Variants in INPP4B observed in about 807,000 individuals in gnomAD.
The protein encoded by INPP4B is inositol polyphosphate-4-phosphatase type II B, also known as inositol polyphosphate 4-phosphatase type II.
INPP4B carries 55 observed loss-of-function variants against 122.5 expected under a neutral mutation model. The ratio of observed to expected loss-of-function variants is 0.45; its 90% confidence interval spans 0.36 to 0.56. The LOEUF is 0.56. Ranked by LOEUF, INPP4B falls within the 20% of genes least tolerant of loss-of-function variation. The pLI is 0.00. For missense variants in INPP4B, 1,000 were observed against 1,097.7 expected, an observed-to-expected ratio of 0.91 and a Z score of 1.26; for synonymous variants, 403 against 388.7, an observed-to-expected ratio of 1.04 and a Z score of -0.43.
intron 15 of INPP4B, among the ~76,000 whole-genome samples, chr4:142,179,660 T>G (rs1201192864): frequency 6.6e-6 from 1 of 152,160 alleles, no homozygotes; most frequent in African/African-American, 2.4e-5. Flanking sequence ...CTTTTTAGTT[T>G]GCAAGTTCTT....
intron 7 of INPP4B, among the ~76,000 whole-genome samples, chr4:142,379,288 G>A (rs1158596525): frequency 1.3e-5 from 2 of 152,102 alleles, no homozygotes; most frequent in East Asian, 1.9e-4. Context: ...TTAGGACATG[G>A]TATAGTGAGC....
chr4:142,193,037 A>G (rs774099478), intron 15 of INPP4B, 50 bp downstream of exon 15: 87 of 1,094,342 alleles, frequency 7.9e-5, no homozygotes, highest in Middle Eastern at 2.0e-4. Context: ...ACTTCCCCAA[A>G]GGGGAGATGT....
At chr4:142,676,473 A>C (rs1757797803) in intron 2 of INPP4B, among the ~76,000 whole-genome samples, 2 of 152,192 alleles carry the variant, frequency 1.3e-5, no homozygotes, top group Admixed American at 1.3e-4. Context: ...CTTTCTTCAC[A>C]GAATTGGAAA....
At chr4:142,087,677 T>A (rs963376111) in intron 23 of INPP4B, among the ~76,000 whole-genome samples, 7 of 152,216 alleles carry the variant, frequency 4.6e-5, no homozygotes, top group Non-Finnish European at 1.0e-4. Flanking sequence ...TCACAAAAAC[T>A]GACACAAATG....
chr4:142,305,708 G>A, intron 8 of INPP4B, 171 bp from the exon 9 acceptor site: 1 of 1,441,318 alleles, frequency 6.9e-7, no homozygotes, highest in Admixed American at 2.5e-5. Flanking sequence ...ACCTCATGGG[G>A]TAGGATTAAA....
At chr4:142,670,898 G>T (rs1756900928) in intron 2 of INPP4B, among the ~76,000 whole-genome samples, 1 of 152,022 alleles carries the variant, frequency 6.6e-6, no homozygotes, top group African/African-American at 2.4e-5. Context: ...AAAACATGAT[G>T]CTCTACATGG....
At chr4:142,117,087 A>T (rs1793942057) in intron 21 of INPP4B, among the ~76,000 whole-genome samples, 1 of 152,188 alleles carries the variant, frequency 6.6e-6, no homozygotes, top group Non-Finnish European at 1.5e-5. Flanking sequence ...TCCTGGACAC[A>T]TATACCCTCC....
Position 142,173,644 on chromosome 4 carries a change from C to T in INPP4B, c.1347G>A (p.Met449Ile). The stretch of plus-strand genomic sequence containing the variant: ...ATTTGGATCTTACTTTTTCTGAAAG[C>T]ATCTTTAAAGAATTCTTCAAGCTGT... ...SPDSLKNSLK[M>I]LSEKTELFVH... The change falls in exon 16 of 26, where the codon ATG becomes ATA. Residue 449 changes from methionine to isoleucine, a missense_variant. Transcript: ENST00000262992. 2 of 1,610,054 alleles carry T rather than the reference C, an allele frequency of 1.2e-6. No homozygotes were observed. The highest frequency in any genetic ancestry group is 1.7e-6 in the Non-Finnish European group (2 of 1,178,306).
intron 2 of INPP4B, among the ~76,000 whole-genome samples, chr4:142,507,801 C>G (rs1412870562): frequency 6.6e-6 from 1 of 152,080 alleles, no homozygotes; most frequent in Non-Finnish European, 1.5e-5. Flanking sequence ...CCAGACCCCT[C>G]CATAGACTTT....
rs1361355046 is a variant in INPP4B, at chr4:142,578,795, A to C, written c.-190-116069T>G. 2.6e-5 allele frequency among the ~76,000 whole-genome samples: 4 copies of C among 152,178 alleles called. No homozygotes were observed. In the East Asian group the frequency reaches 7.7e-4, roughly 29 times the overall value. On this transcript the variant is annotated intron_variant, in intron 2 of 25. Transcript: ENST00000262992. ...TGTCCTTTAGAAATAATACAACACG[A>C]ATGAGCTTACAATTGGACCTCACTT...
intron 5 of INPP4B, among the ~76,000 whole-genome samples, chr4:142,412,549 T>C (rs1804839961): frequency 6.6e-6 from 1 of 152,154 alleles, no homozygotes; most frequent in African/African-American, 2.4e-5. Flanking sequence ...ATCCACACAA[T>C]GAGAATTGCA....
chr4:142,649,034 T>C (rs963123670), intron 2 of INPP4B, among the ~76,000 whole-genome samples: 1 of 152,184 alleles, frequency 6.6e-6, no homozygotes, highest in East Asian at 1.9e-4. Context: ...TGTTCTGCAA[T>C]AGTTGCTGTT....
At chr4:142,033,668 A>AG (rs371185048) in intron 25 of INPP4B, among the ~76,000 whole-genome samples, 8 of 129,504 alleles carry the variant, frequency 6.2e-5, no homozygotes, top group Non-Finnish European at 1.3e-4. Flanking sequence ...TCTCCATTTC[A>AG]TTTTTTTTTT....
chr4:142,445,264 A>G (rs1812660182), intron 3 of INPP4B, among the ~76,000 whole-genome samples: 1 of 152,208 alleles, frequency 6.6e-6, no homozygotes, highest in African/African-American at 2.4e-5. Context: ...AGAGATCCAC[A>G]GTAGACTGTG....
At chr4:142,396,520 T>C (rs572013721) in intron 7 of INPP4B, among the ~76,000 whole-genome samples, 28 of 152,230 alleles carry the variant, frequency 1.8e-4, no homozygotes, top group Non-Finnish European at 3.4e-4. Context: ...TAAAAAGTCA[T>C]GTAATCAATA....
intron 14 of INPP4B, among the ~76,000 whole-genome samples, chr4:142,193,524 C>A (rs1321213629): frequency 6.6e-6 from 1 of 152,040 alleles, no homozygotes. Flanking sequence ...TATTTTACTT[C>A]ATTGAGTTTT....
chr4:142,780,311 A>C (rs1236657923), intron 1 of INPP4B, among the ~76,000 whole-genome samples: 3 of 152,194 alleles, frequency 2.0e-5, no homozygotes, highest in African/African-American at 7.2e-5. Context: ...GTTTCAACTA[A>C]GGTTTAATAT....
chr4:142,796,092 A>C (rs1777199937), intron 1 of INPP4B, among the ~76,000 whole-genome samples: 1 of 152,024 alleles, frequency 6.6e-6, no homozygotes, highest in Non-Finnish European at 1.5e-5. Flanking sequence ...TTTATGATAT[A>C]ATAAATGTGA....
At chr4:142,346,909 C>T (rs972109219) in intron 7 of INPP4B, among the ~76,000 whole-genome samples, 8 of 151,962 alleles carry the variant, frequency 5.3e-5, no homozygotes, top group African/African-American at 1.9e-4. Context: ...CTATTATTGA[C>T]CCAGTTCAAT....
Sources: gnomAD v4.1 joint callset for allele counts (sites outside exome capture counted in the v4.1 genomes callset) on GRCh38, gnomAD v4.1.1 for gene constraint, MANE v1.5 for transcripts, NCBI Gene and HGNC (gene_info 2026-07-23, HGNC 2026-07-21) for gene names.